Variants in PDZRN4 observed in about 807,000 individuals in gnomAD.
The protein encoded by PDZRN4 is PDZ domain-containing RING finger protein 4.
PDZRN4 carries 70 observed loss-of-function variants against 99.0 expected under a neutral mutation model. The ratio of observed to expected loss-of-function variants is 0.71; its 90% CI spans 0.58 to 0.86. The LOEUF is 0.86. Ranked by LOEUF, PDZRN4 falls within the 40% of genes least tolerant of loss-of-function variation. The pLI is 0.00. For missense variants in PDZRN4, 1,474 were observed against 1,331.2 expected, an observed-to-expected ratio of 1.11 and a Z score of -1.67; for synonymous variants, 551 against 501.6, an observed-to-expected ratio of 1.10 and a Z score of -1.32.
chr12:41,356,729 TG>T (rs1292226801), intron 3 of PDZRN4, among the ~76,000 whole-genome samples: 5 of 152,018 alleles, frequency 3.3e-5, no homozygotes, highest in Non-Finnish European at 7.4e-5. Flanking sequence ...AATTTTACTG[TG>T]ACCTTTTAGA....
At chr12:41,552,211 C>CT (rs1157692049) in intron 5 of PDZRN4, among the ~76,000 whole-genome samples, 2 of 151,958 alleles carry the variant, frequency 1.3e-5, no homozygotes, top group South Asian at 2.1e-4. Flanking sequence ...TTGGTATAGT[C>CT]TTTTTTTTAT....
chr12:41,232,388 G>A (rs1427169905), intron 3 of PDZRN4, among the ~76,000 whole-genome samples: 2 of 152,002 alleles, frequency 1.3e-5, no homozygotes, highest in African/African-American at 2.4e-5. Context: ...AAATTCCTTT[G>A]CTATTTTTCC....
chr12:41,218,533 A>G (rs1193800044), intron 3 of PDZRN4, among the ~76,000 whole-genome samples: 2 of 152,160 alleles, frequency 1.3e-5, no homozygotes, highest in Non-Finnish European at 2.9e-5. Context: ...TGCTCATTAT[A>G]TAAAAATTTT....
At chr12:41,332,744 TA>T (rs3046824) in intron 3 of PDZRN4, among the ~76,000 whole-genome samples, 19,561 of 117,788 alleles carry the variant, frequency 0.17, 1,669 homozygotes, top group African/African-American at 0.26. Context: ...AGAGGAGGAT[TA>T]AAAAAAAAAA....
chr12:41,344,118 T>C (rs1366957108), intron 3 of PDZRN4, among the ~76,000 whole-genome samples: 5 of 152,140 alleles, frequency 3.3e-5, no homozygotes, highest in Non-Finnish European at 7.4e-5. Flanking sequence ...TCTATACTGG[T>C]GATCAAATAA....
chr12:41,535,965 T>C (rs945836286), intron 5 of PDZRN4, among the ~76,000 whole-genome samples: 3 of 152,180 alleles, frequency 2.0e-5, no homozygotes, highest in Admixed American at 6.5e-5. Context: ...TACAATCCCT[T>C]GGGAGGGGTC....
rs959507537 is a variant in PDZRN4 at position 41,573,995 on chromosome 12, T to A, written c.*105T>A. ...GGCGTTTTTATATATATTTTGTGAC[T>A]CTTTATAGTTTAAATTTTTTGTAAG... On this transcript the variant is annotated 3_prime_UTR_variant, in exon 10 of 10. Transcript: ENST00000402685. The A allele has an allele frequency of 4.1e-6, 3 of 738,582 alleles. 1 individual carries two copies. The highest frequency in any genetic ancestry group is 6.1e-6 in the Non-Finnish European group (3 of 494,492). The allele number at this position is 738,582 out of a possible 1,614,324, so 45.8% of individuals were successfully genotyped here. A position where few individuals can be genotyped will look rare whatever the true frequency, so the allele number is the denominator to read the frequency against.
chr12:41,223,814 T>C (rs990372665), intron 3 of PDZRN4, among the ~76,000 whole-genome samples: 4 of 151,752 alleles, frequency 2.6e-5, no homozygotes, highest in African/African-American at 7.3e-5. Context: ...GCAGGGGGAG[T>C]TGTCTCACTG....
At chr12:41,386,508 T>C (rs1311227246) in intron 3 of PDZRN4, among the ~76,000 whole-genome samples, 1 of 152,186 alleles carries the variant, frequency 6.6e-6, no homozygotes, top group Non-Finnish European at 1.5e-5. Context: ...TCCATGCTCA[T>C]GGATAGGAAG....
chr12:41,230,083 C>A (rs751212121), intron 3 of PDZRN4, among the ~76,000 whole-genome samples: 5 of 151,858 alleles, frequency 3.3e-5, no homozygotes, highest in Non-Finnish European at 5.9e-5. Context: ...CCAGAAATCA[C>A]AAACCGGATA....
Position 41,552,646 on chromosome 12 carries a change from G to A in PDZRN4, c.1204-10G>A, listed in dbSNP as rs779269177. Reference sequence around the variant, plus strand: ...GACATAAATGTCATCTGTGTGTGTTGTTCTTTCAGGAGGTCGAGTTGTGTC... The same window carrying A: ...GACATAAATGTCATCTGTGTGTGTTATTCTTTCAGGAGGTCGAGTTGTGTC... On this transcript the variant is annotated splice_polypyrimidine_tract_variant and intron_variant, in intron 5 of 9. Coordinates refer to ENST00000402685, the MANE Select transcript of PDZRN4 (RefSeq NM_001164595.2). 2 of 1,604,644 alleles carry A rather than the reference G, an allele frequency of 1.2e-6. No individual in the cohort carries two copies. The highest frequency in any genetic ancestry group is 1.1e-5 in the South Asian group (1 of 90,888).
intron 4 of PDZRN4, among the ~76,000 whole-genome samples, chr12:41,507,817 C>G (rs1938234157): frequency 7.0e-6 from 1 of 143,150 alleles, no homozygotes; most frequent in Non-Finnish European, 1.5e-5. Context: ...CCCTTTGTAT[C>G]AGACACAAAT....
chr12:41,197,398 A>G (rs530478440), intron 3 of PDZRN4, among the ~76,000 whole-genome samples: 1 of 152,314 alleles, frequency 6.6e-6, no homozygotes, highest in Non-Finnish European at 1.5e-5. Flanking sequence ...TACTGTCATT[A>G]GGTAAACCTA....
chr12:41,259,963 G>A (rs1019995543), intron 3 of PDZRN4, among the ~76,000 whole-genome samples: 2 of 152,112 alleles, frequency 1.3e-5, no homozygotes, highest in African/African-American at 4.8e-5. Context: ...GAACAGCTTA[G>A]AATCATACTA....
chr12:41,237,734 C>T (rs377677621), intron 3 of PDZRN4, among the ~76,000 whole-genome samples: 31 of 152,134 alleles, frequency 2.0e-4, no homozygotes, highest in African/African-American at 7.0e-4. Context: ...AGTCCTTTCT[C>T]CATTGCTTGT....
intron 5 of PDZRN4, among the ~76,000 whole-genome samples, chr12:41,550,208 G>T (rs546003819): frequency 2.0e-5 from 3 of 152,208 alleles, no homozygotes; most frequent in African/African-American, 7.2e-5. Context: ...AATGTCCCCC[G>T]CTGAAAATGT....
At chr12:41,379,506 A>G (rs1232642521) in intron 3 of PDZRN4, among the ~76,000 whole-genome samples, 1 of 151,582 alleles carries the variant, frequency 6.6e-6, no homozygotes, top group Admixed American at 6.6e-5. Flanking sequence ...TTATAGCTTT[A>G]AACTTTTCTT....
intron 3 of PDZRN4, among the ~76,000 whole-genome samples, chr12:41,498,380 T>A (rs940997354): frequency 3.3e-5 from 5 of 152,148 alleles, no homozygotes; most frequent in Admixed American, 3.3e-4. Flanking sequence ...GGGCAATTTA[T>A]AATTTTAAAA....
At chr12:41,301,146 G>A (rs1951532695) in intron 3 of PDZRN4, among the ~76,000 whole-genome samples, 1 of 151,988 alleles carries the variant, frequency 6.6e-6, no homozygotes, top group African/African-American at 2.4e-5. Context: ...ACACTCTTTA[G>A]GTTATTGTGA....
Sources: allele counts gnomAD v4.1 joint callset (sites outside exome capture counted in the v4.1 genomes callset), GRCh38; gene constraint gnomAD v4.1.1; transcripts MANE v1.5; gene names NCBI Gene and HGNC (gene_info 2026-07-23, HGNC 2026-07-21).